TIGD4: variants seen among roughly 807,000 people sequenced by gnomAD.
TIGD4 encodes the protein tigger transposable element-derived protein 4.
Under a neutral mutation model 24.9 loss-of-function variants are expected in TIGD4, and 20 were observed. That is an observed-to-expected ratio of 0.80 (90% CI 0.56 to 1.17). TIGD4 has a LOEUF of 1.17. Ranked by LOEUF, TIGD4 falls within the 50% of genes most tolerant of loss-of-function variation. The probability of loss-of-function intolerance (pLI) is 0.00; values close to 1 mark genes in which losing one functional copy is unlikely to be tolerated. For synonymous variants in TIGD4, 193 were observed against 211.0 expected (o/e 0.91, Z 0.74); for missense variants, 566 against 591.0 (o/e 0.96, Z 0.44).
chr4:152,775,933 A>G (rs898185209), intron 1 of TIGD4, among the ~76,000 whole-genome samples: 14 of 152,220 alleles, frequency 9.2e-5, no homozygotes, highest in Admixed American at 3.9e-4. Flanking sequence ...CACCTGCTAC[A>G]CGGGACTATT....
chr4:152,770,558 T>C lies in TIGD4; in HGVS notation c.447A>G (p.Val149=). 19 of 1,612,556 alleles carry C rather than the reference T, an allele frequency of 1.2e-5. No individual in the cohort carries two copies. The highest frequency in any genetic ancestry group is 1.6e-5 in the Non-Finnish European group (19 of 1,179,134). The change falls in exon 2 of 2, where the codon GTA becomes GTG. Residue 149 remains valine (V), a synonymous_variant. Coordinates refer to ENST00000304337, the MANE Select transcript of TIGD4 (RefSeq NM_145720.4). The part of the protein sequence containing the change: ...RYGLVFRAQP[V]EATGVPVDPS... ...GGTCTACTGGTACACCTGTAGCTTC[T>C]ACAGGTTGAGCTCTGAATACTAAAC...
intron 1 of TIGD4, among the ~76,000 whole-genome samples, chr4:152,779,137 TGA>T (rs141005575): frequency 0.021 from 3,134 of 152,248 alleles, 108 homozygotes; most frequent in African/African-American, 0.071. Context: ...CGAAGGGCTC[TGA>T]GAGAGCGAAT....
intron 1 of TIGD4, among the ~76,000 whole-genome samples, chr4:152,777,987 G>T (rs765910856): frequency 6.6e-6 from 1 of 151,912 alleles, no homozygotes; most frequent in Non-Finnish European, 1.5e-5. Context: ...CTGTGGATGA[G>T]GATTAATCGT....
intron 1 of TIGD4, 107 bp downstream of exon 1, chr4:152,779,375 G>A (rs1042221966): frequency 2.6e-5 from 4 of 152,196 alleles, no homozygotes; most frequent in African/African-American, 9.7e-5. Flanking sequence ...GAAGGGAGAG[G>A]GCTCCCCAGG....
chr4:152,777,407 C>T (rs1284326186), intron 1 of TIGD4, among the ~76,000 whole-genome samples: 2 of 152,070 alleles, frequency 1.3e-5, no homozygotes, highest in Non-Finnish European at 2.9e-5. Flanking sequence ...TTTTTTCTTA[C>T]CTCTCTAAAA....
At position 152,771,109 on chromosome 4, in the gene TIGD4, A is replaced by G. The variant is rs1197127357; in HGVS notation, c.-105T>C. 7.5e-7 allele frequency: 1 copy of G among 1,337,936 alleles called. No individual in the cohort carries two copies. Among genetic ancestry groups the G allele is most frequent in the Non-Finnish European group, 9.8e-7 (1 of 1,017,676 alleles). The allele number at this position is 1,337,936 out of a possible 1,614,324, so 82.9% of individuals were successfully genotyped here. A position where few individuals can be genotyped will look rare whatever the true frequency, so the allele number is the denominator to read the frequency against. On this transcript the variant is annotated 5_prime_UTR_variant, in exon 2 of 2. Coordinates refer to ENST00000304337, the MANE Select transcript of TIGD4 (RefSeq NM_145720.4). ...AATATAGATTGCTGCTTTCTATCCT[A>G]CTTTATACACTAAAAGTTGGTGTCT... is the stretch of plus-strand genomic sequence containing the variant.
In TIGD4 at chr4:152,769,865, G is replaced by T. The variant is rs1246481289; in HGVS notation, c.1140C>A (p.Phe380Leu). 1 of 1,612,974 alleles carries T rather than the reference G, an allele frequency of 6.2e-7. No individual in the cohort carries two copies. The change falls in exon 2 of 2, where the codon TTC becomes TTA. Residue 380 changes from phenylalanine (F) to leucine (L), a missense_variant. By Grantham distance (22) the Phe-to-Leu change is conservative. Coordinates refer to ENST00000304337, the MANE Select transcript of TIGD4 (RefSeq NM_145720.4). ...TIVKSYEEAG[F>L]KSQKGESDIT... ...TGTCACTTTCTCCCTTTTGAGATTTGAATCCTGCCTCTTCATAGCTTTTAA... is the reference window on the plus strand; with the variant it reads ...TGTCACTTTCTCCCTTTTGAGATTTTAATCCTGCCTCTTCATAGCTTTTAA...
intron 1 of TIGD4, among the ~76,000 whole-genome samples, chr4:152,779,276 G>A (rs933211479): frequency 1.3e-5 from 2 of 152,214 alleles, no homozygotes; most frequent in African/African-American, 4.8e-5. Flanking sequence ...GGAATCTACT[G>A]TGAGAGAGCG....
intron 1 of TIGD4, among the ~76,000 whole-genome samples, chr4:152,777,477 G>T (rs534225766): frequency 6.6e-6 from 1 of 151,854 alleles, no homozygotes; most frequent in Non-Finnish European, 1.5e-5. Flanking sequence ...GAGCAGGCAG[G>T]GTCCCCCAAG....
intron 1 of TIGD4, among the ~76,000 whole-genome samples, chr4:152,774,366 C>G (rs1334132556): frequency 6.6e-6 from 1 of 152,156 alleles, no homozygotes; most frequent in African/African-American, 2.4e-5. Context: ...ATTTCTAATG[C>G]CAAACAGACA....
In TIGD4 at chr4:152,771,222, G is replaced by A. The variant is rs1730167786; in HGVS notation, c.-218C>T. The A allele has an allele frequency of 4.1e-6, 2 of 485,402 alleles. No individual in the cohort carries two copies. The highest frequency in any genetic ancestry group is 7.1e-6 in the Non-Finnish European group (2 of 283,214). The allele number at this position is 485,402 out of a possible 1,614,324, so 30.1% of individuals were successfully genotyped here. On this transcript the variant is annotated 5_prime_UTR_variant, in exon 2 of 2. Transcript: ENST00000304337. Reference sequence around the variant, plus strand: ...TATTATATGCAACTAGAATATTTTAGAAGAGAAACTTCCTTCCTAGTACCT... The same window carrying A: ...TATTATATGCAACTAGAATATTTTAAAAGAGAAACTTCCTTCCTAGTACCT...
intron 1 of TIGD4, among the ~76,000 whole-genome samples, chr4:152,771,934 C>T (rs1157216154): frequency 6.6e-6 from 1 of 152,126 alleles, no homozygotes; most frequent in African/African-American, 2.4e-5. Flanking sequence ...AGAAAACATA[C>T]TCAGACAGTA....
chr4:152,769,575 G>A lies in TIGD4; in HGVS notation c.1430C>T (p.Thr477Ile), dbSNP rs138411753. The change falls in exon 2 of 2, where the codon ACT becomes ATT. Residue 477 changes from threonine to isoleucine, a missense_variant. By Grantham distance (89) the Thr-to-Ile change is moderately conservative. Coordinates refer to ENST00000304337, the MANE Select transcript of TIGD4 (RefSeq NM_145720.4). ...AAATTTTTTCAGAGTATCTAAAGCA[G>A]TTATTGCCTCAGATTTTGATGGTAA... ...LPLPSKSEAI[T>I]ALDTLKKFLR... The A allele has an allele frequency of 3.3e-3, 5,280 of 1,613,396 alleles. 13 individuals carry two copies. The highest frequency in any genetic ancestry group is 4.0e-3 in the Non-Finnish European group (4,705 of 1,179,702).
At chr4:152,772,168 C>T (rs781705018) in intron 1 of TIGD4, among the ~76,000 whole-genome samples, 9 of 152,066 alleles carry the variant, frequency 5.9e-5, no homozygotes, top group Non-Finnish European at 7.4e-5. Flanking sequence ...AGGCTAAGAA[C>T]TCAGTAACTT....
chr4:152,775,184 G>A (rs979765195), intron 1 of TIGD4, among the ~76,000 whole-genome samples: 16 of 152,154 alleles, frequency 1.1e-4, no homozygotes, highest in Non-Finnish European at 2.2e-4. Context: ...CAAAGTGCTG[G>A]GATTACAGGT....
chr4:152,773,935 A>G (rs1254542834), intron 1 of TIGD4, among the ~76,000 whole-genome samples: 1 of 152,140 alleles, frequency 6.6e-6, no homozygotes, highest in African/African-American at 2.4e-5. Context: ...CTAATTTTTC[A>G]AAGACAAAAC....
At position 152,770,183 on chromosome 4, in the gene TIGD4, C is replaced by T; in HGVS notation, c.822G>A (p.Glu274=). ...CTCTTCGTTGCTGGGCTTGAAATTCCTCATCAAGCTTTCGCATCCATTGTT... is the reference window on the plus strand; with the variant it reads ...CTCTTCGTTGCTGGGCTTGAAATTCTTCATCAAGCTTTCGCATCCATTGTT... The part of the protein sequence containing the change: ...VFEQWMRKLD[E]EFQAQQRRVV... Residue 274 remains glutamate, a synonymous_variant, in exon 2 of 2, where the codon GAG becomes GAA. Coordinates refer to ENST00000304337, the MANE Select transcript of TIGD4 (RefSeq NM_145720.4). The T allele has an allele frequency of 6.2e-7, 1 of 1,614,058 alleles. No homozygotes were observed. Among genetic ancestry groups the T allele is most frequent in the Non-Finnish European group, 8.5e-7 (1 of 1,179,940 alleles).
intron 1 of TIGD4, among the ~76,000 whole-genome samples, chr4:152,777,647 G>A (rs1166298510): frequency 6.7e-6 from 1 of 149,476 alleles, no homozygotes. Flanking sequence ...GAGAAGGGAG[G>A]GAGACAAGAA....
Position 152,770,070 on chromosome 4 carries a change from G to A in TIGD4, c.935C>T (p.Ser312Phe), listed in dbSNP as rs149761550. Residue 312 changes from serine (S) to phenylalanine (F), a missense_variant, in exon 2 of 2, where the codon TCT (serine) becomes TTT (phenylalanine). Coordinates refer to ENST00000304337, the MANE Select transcript of TIGD4 (RefSeq NM_145720.4). ...TTGTTTCATAGCTATACATTTGGAA[G>A]ATAAACATGATGGAAAGAATGCTAA... Reference protein sequence around the residue: ...IELAFFPSCLSSKCIAMKQGV... With the variant: ...IELAFFPSCLFSKCIAMKQGV... The A allele has an allele frequency of 1.2e-3, 1,903 of 1,613,956 alleles. 7 individuals are homozygous for A. Among genetic ancestry groups the A allele is most frequent in the Non-Finnish European group, 9.7e-4 (1,147 of 1,179,882 alleles).
Sources: allele counts gnomAD v4.1 joint callset (sites outside exome capture counted in the v4.1 genomes callset), GRCh38; gene constraint gnomAD v4.1.1; transcripts MANE v1.5; gene names NCBI Gene and HGNC (gene_info 2026-07-23, HGNC 2026-07-21).